The following MALRD1 variants were observed in gnomAD, a reference collection of about 807,000 sequenced individuals.
MALRD1 encodes MAM and LDL receptor class A domain containing 1.
In MALRD1, 247 loss-of-function variants were observed where a neutral mutation model predicts 242.1. The observed-to-expected ratio is 1.02, with a 90% CI of 0.92 to 1.13. The LOEUF is 1.13. Ranked by LOEUF, MALRD1 falls within the 50% of genes most tolerant of loss-of-function variation. MALRD1 has a pLI of 0.00. For synonymous variants in MALRD1, 995 were observed against 866.6 expected (o/e 1.15, Z -2.60); for missense variants, 2,989 against 2,533.1 (o/e 1.18, Z -3.86).
chr10:19,473,642 G>A (rs1338603), intron 29 of MALRD1, among the ~76,000 whole-genome samples: 131,104 of 152,084 alleles, frequency 0.86, 56,667 homozygotes, highest in East Asian at 1. Flanking sequence ...GTTGTAGCCT[G>A]TGTCAAAACT....
intron 1 of MALRD1, among the ~76,000 whole-genome samples, chr10:19,050,168 A>G (rs1166280407): frequency 7.0e-6 from 1 of 143,690 alleles, no homozygotes; most frequent in East Asian, 2.0e-4. Context: ...GCTCACTGCA[A>G]GCTCCGCCTC....
intron 18 of MALRD1, among the ~76,000 whole-genome samples, chr10:19,232,631 G>T (rs1269318958): frequency 6.6e-6 from 1 of 152,036 alleles, no homozygotes; most frequent in Non-Finnish European, 1.5e-5. Context: ...CTTGTTGTGG[G>T]CATAAATATT....
chr10:19,256,321 C>T (rs1839509358), intron 18 of MALRD1, among the ~76,000 whole-genome samples: 1 of 152,014 alleles, frequency 6.6e-6, no homozygotes. Context: ...AAAAATAAAA[C>T]AGAATACGTT....
chr10:19,387,908 G>A, intron 27 of MALRD1, 135 bp downstream of exon 27: 2 of 1,159,216 alleles, frequency 1.7e-6, no homozygotes, highest in South Asian at 1.7e-5. Context: ...CATTTAGTGA[G>A]TGTTTTTTTT....
intron 36 of MALRD1, among the ~76,000 whole-genome samples, chr10:19,617,734 T>C (rs1458917182): frequency 6.6e-6 from 1 of 151,972 alleles, no homozygotes; most frequent in Non-Finnish European, 1.5e-5. Flanking sequence ...AATTTTAAAT[T>C]CCTAGATCCC....
chr10:19,230,946 A>G (rs960107285), intron 18 of MALRD1, among the ~76,000 whole-genome samples: 1 of 152,182 alleles, frequency 6.6e-6, no homozygotes, highest in Non-Finnish European at 1.5e-5. Flanking sequence ...CTCTGCCTAC[A>G]TAGAATTTCC....
chr10:19,153,963 T>C (rs1834035461), intron 11 of MALRD1, among the ~76,000 whole-genome samples: 2 of 152,208 alleles, frequency 1.3e-5, no homozygotes, highest in African/African-American at 4.8e-5. Flanking sequence ...ATCATCTTTT[T>C]AAAAATATTC....
At chr10:19,327,061 C>T (rs1843163671) in intron 22 of MALRD1, among the ~76,000 whole-genome samples, 1 of 152,066 alleles carries the variant, frequency 6.6e-6, no homozygotes, top group African/African-American at 2.4e-5. Context: ...GAAGCTCTTA[C>T]TGGCGCAGCA....
intron 26 of MALRD1, among the ~76,000 whole-genome samples, chr10:19,376,927 A>G (rs1164960326): frequency 6.6e-6 from 1 of 152,108 alleles, no homozygotes; most frequent in African/African-American, 2.4e-5. Context: ...AAGTTGATTT[A>G]TTGGGAAAAA....
At chr10:19,692,663 T>G (rs1050158587) in intron 38 of MALRD1, 109 bp downstream of exon 38, 2 of 812,580 alleles carry the variant, frequency 2.5e-6, no homozygotes, top group South Asian at 1.8e-5. Flanking sequence ...GCAGGAAACT[T>G]TAGTGTTTTG....
chr10:19,633,939 A>G (rs185560002), intron 36 of MALRD1: 32 of 151,348 alleles, frequency 2.1e-4, no homozygotes, highest in African/African-American at 7.8e-4. Flanking sequence ...CTGGGGTTCA[A>G]GCAATTCTCC....
At chr10:19,611,931 T>C (rs977198197) in intron 35 of MALRD1, among the ~76,000 whole-genome samples, 5 of 152,026 alleles carry the variant, frequency 3.3e-5, no homozygotes, top group African/African-American at 1.2e-4. Context: ...TGCTCCACTA[T>C]AGAGCATAAA....
intron 1 of MALRD1, among the ~76,000 whole-genome samples, chr10:19,058,266 A>G (rs1031979178): frequency 6.6e-6 from 1 of 152,172 alleles, no homozygotes; most frequent in African/African-American, 2.4e-5. Context: ...CAACCACCAT[A>G]CCATGCTGTT....
At chr10:19,157,506 C>A (rs1834209906) in intron 12 of MALRD1, among the ~76,000 whole-genome samples, 1 of 152,050 alleles carries the variant, frequency 6.6e-6, no homozygotes, top group South Asian at 2.1e-4. Context: ...CTTGGCCTCC[C>A]AAAGTGCTGG....
chr10:19,246,205 A>G (rs536869775), intron 18 of MALRD1, among the ~76,000 whole-genome samples: 17 of 152,178 alleles, frequency 1.1e-4, no homozygotes, highest in African/African-American at 3.9e-4. Context: ...AAACACTTCT[A>G]TCCTTCATTT....
At chr10:19,255,958 A>G (rs939725087) in intron 18 of MALRD1, among the ~76,000 whole-genome samples, 1 of 152,038 alleles carries the variant, frequency 6.6e-6, no homozygotes, top group Non-Finnish European at 1.5e-5. Context: ...CTATATAAAG[A>G]CAATAAAAAG....
At chr10:19,613,312 C>T (rs757628317) in intron 35 of MALRD1, among the ~76,000 whole-genome samples, 4 of 151,998 alleles carry the variant, frequency 2.6e-5, no homozygotes, top group Non-Finnish European at 4.4e-5. Flanking sequence ...GCCCACAGGT[C>T]GGGTCACTTC....
intron 28 of MALRD1, among the ~76,000 whole-genome samples, chr10:19,419,131 C>A (rs188490362): frequency 2.0e-5 from 3 of 152,150 alleles, no homozygotes; most frequent in Non-Finnish European, 4.4e-5. Flanking sequence ...CTGACTCCCA[C>A]GTGATCTATA....
intron 36 of MALRD1, among the ~76,000 whole-genome samples, chr10:19,665,358 T>C (rs964006702): frequency 6.6e-6 from 1 of 152,178 alleles, no homozygotes; most frequent in Admixed American, 6.5e-5. Context: ...ATAAAGTTTC[T>C]TTGCGTAGCA....
Sources: allele counts gnomAD v4.1 joint callset (sites outside exome capture counted in the v4.1 genomes callset), GRCh38; gene constraint gnomAD v4.1.1; transcripts MANE v1.5; gene names NCBI Gene and HGNC (gene_info 2026-07-23, HGNC 2026-07-21).